The following GRM7 variants were observed in gnomAD, a reference collection of about 807,000 sequenced individuals.
GRM7 encodes metabotropic glutamate receptor 7.
Under a neutral mutation model 84.5 loss-of-function variants are expected in GRM7, and 35 were observed. That is an observed-to-expected ratio of 0.41 (90% CI 0.32 to 0.55). The LOEUF is 0.55. Among genes scored for constraint, GRM7 ranks in the 20% least tolerant of loss-of-function variants. GRM7 has a pLI of 0.19. For synonymous variants in GRM7, 487 were observed against 455.1 expected (o/e 1.07, Z -0.89); for missense variants, 1,003 against 1,194.6 (o/e 0.84, Z 2.36).
intron 1 of GRM7, among the ~76,000 whole-genome samples, chr3:6,916,015 G>A (rs17743909): frequency 6.6e-6 from 1 of 152,148 alleles, no homozygotes; most frequent in Non-Finnish European, 1.5e-5. Context: ...TCTGGGAGTA[G>A]ACTCAGAGTA....
chr3:6,892,950 C>T (rs901150880), intron 1 of GRM7: 5 of 151,996 alleles, frequency 3.3e-5, no homozygotes, highest in Admixed American at 3.3e-4. Flanking sequence ...GTTGAGATTT[C>T]ATGTAATGTG....
At chr3:7,129,095 A>G (rs9872989) in intron 1 of GRM7, among the ~76,000 whole-genome samples, 1 of 151,854 alleles carries the variant, frequency 6.6e-6, no homozygotes, top group Non-Finnish European at 1.5e-5. Context: ...GGAGTGCACC[A>G]ATTTAGTAGC....
At chr3:7,148,958 G>A (rs1216353088) in intron 2 of GRM7, among the ~76,000 whole-genome samples, 1 of 151,982 alleles carries the variant, frequency 6.6e-6, no homozygotes, top group Non-Finnish European at 1.5e-5. Flanking sequence ...AAGTAGTATG[G>A]TATTTGGCAT....
intron 8 of GRM7, among the ~76,000 whole-genome samples, chr3:7,633,360 G>C (rs1697938595): frequency 6.6e-6 from 1 of 152,162 alleles, no homozygotes; most frequent in South Asian, 2.1e-4. Flanking sequence ...TTAGTAACTT[G>C]TCCCAAAACA....
intron 4 of GRM7, among the ~76,000 whole-genome samples, chr3:7,387,120 C>G (rs1694815306): frequency 6.6e-6 from 1 of 152,080 alleles, no homozygotes; most frequent in Admixed American, 6.5e-5. Flanking sequence ...TTTTAAAGGT[C>G]ACCATTTAAT....
chr3:6,961,873 C>T (rs769480765), intron 1 of GRM7, among the ~76,000 whole-genome samples: 1 of 152,104 alleles, frequency 6.6e-6, no homozygotes, highest in Non-Finnish European at 1.5e-5. Flanking sequence ...ATTATCCCTC[C>T]TGAGGTATAA....
chr3:7,017,205 G>A (rs535383820), intron 1 of GRM7, among the ~76,000 whole-genome samples: 15 of 152,260 alleles, frequency 9.9e-5, no homozygotes, highest in Admixed American at 2.6e-4. Flanking sequence ...CTTTGGGCTC[G>A]TTAATATAAC....
At chr3:7,034,119 G>A (rs1258386363) in intron 1 of GRM7, among the ~76,000 whole-genome samples, 4 of 152,098 alleles carry the variant, frequency 2.6e-5, no homozygotes, top group Admixed American at 1.3e-4. Context: ...GGTAGGCTAA[G>A]GGAAAAAATA....
intron 1 of GRM7, among the ~76,000 whole-genome samples, chr3:7,012,612 G>C (rs868380221): frequency 6.6e-6 from 1 of 152,144 alleles, no homozygotes; most frequent in Non-Finnish European, 1.5e-5. Flanking sequence ...TTTCCCTGGA[G>C]GACCATAAGA....
At chr3:7,389,911 A>G (rs948714974) in intron 4 of GRM7, among the ~76,000 whole-genome samples, 66 of 151,968 alleles carry the variant, frequency 4.3e-4, no homozygotes, top group African/African-American at 1.5e-3. Flanking sequence ...GTTTCATAGC[A>G]TTGATCATGT....
intron 1 of GRM7, among the ~76,000 whole-genome samples, chr3:6,922,005 T>C (rs1419446132): frequency 1.3e-5 from 2 of 152,184 alleles, no homozygotes; most frequent in African/African-American, 2.4e-5. Flanking sequence ...AGATCACAAT[T>C]CTTCTTCCAG....
chr3:7,215,382 A>G (rs1257419256), intron 2 of GRM7, among the ~76,000 whole-genome samples: 1 of 151,988 alleles, frequency 6.6e-6, no homozygotes, highest in Non-Finnish European at 1.5e-5. Context: ...AATTTCTTGG[A>G]GGCTGGGCAC....
chr3:7,681,120 T>C (rs1700348762), intron 9 of GRM7: 2 of 152,234 alleles, frequency 1.3e-5, no homozygotes, highest in South Asian at 2.1e-4. Flanking sequence ...TAAGAGTAAA[T>C]TTCAGATTTA....
rs931752259 is a variant in GRM7, at chr3:7,342,577, A to G, written c.1033+35925A>G. 5.9e-5 allele frequency among the ~76,000 whole-genome samples: 9 copies of G among 152,298 alleles called. No homozygotes were observed. The South Asian group carries it at 1.4e-3, about 25-fold the overall frequency. On this transcript the variant is annotated intron_variant, in intron 4 of 9. Transcript: ENST00000357716. ...TCCTGTTCAAGTCTGTCTACCCTGT[A>G]CTAATCATTTCCAAACTTTAGCCTA...
In GRM7 at chr3:7,649,981, A is replaced by G. The variant is rs565673504; in HGVS notation, c.2452-30068A>G. On this transcript the variant is annotated intron_variant, in intron 8 of 9. Transcript: ENST00000357716. ...ACAGTACATCATTATCTAGGCTTCAAATGGAAAATTTGAGGATTTAATTAT... is the reference window on the plus strand; with the variant it reads ...ACAGTACATCATTATCTAGGCTTCAGATGGAAAATTTGAGGATTTAATTAT... 2.0e-5 allele frequency among the ~76,000 whole-genome samples: 3 copies of G among 152,282 alleles called. 1 individual carries two copies. Among genetic ancestry groups the G allele is most frequent in the African/African-American group, 7.2e-5 (3 of 41,560 alleles).
chr3:7,478,908 T>C (rs1027346786), intron 7 of GRM7, among the ~76,000 whole-genome samples: 4 of 152,170 alleles, frequency 2.6e-5, no homozygotes, highest in African/African-American at 9.7e-5. Flanking sequence ...TTGGTCCCTA[T>C]GCAGTGTCCC....
chr3:7,730,668 GA>G (rs1702295831), intron 9 of GRM7, among the ~76,000 whole-genome samples: 1 of 152,152 alleles, frequency 6.6e-6, no homozygotes, highest in Non-Finnish European at 1.5e-5. Context: ...TTTCATCCAG[GA>G]ACACTAAGTA....
chr3:7,460,569 A>C (rs1028113268), intron 6 of GRM7, among the ~76,000 whole-genome samples: 2 of 152,292 alleles, frequency 1.3e-5, no homozygotes, highest in Middle Eastern at 6.8e-3. Context: ...TCCGCTGGGA[A>C]TATTGGTCCA....
chr3:7,605,042 C>A (rs948302251), intron 8 of GRM7, among the ~76,000 whole-genome samples: 1 of 152,084 alleles, frequency 6.6e-6, no homozygotes, highest in African/African-American at 2.4e-5. Context: ...GTAATTAATT[C>A]TTGCTCCACT....
Sources: gnomAD v4.1 joint callset for allele counts (sites outside exome capture counted in the v4.1 genomes callset) on GRCh38, gnomAD v4.1.1 for gene constraint, MANE v1.5 for transcripts, NCBI Gene and HGNC (gene_info 2026-07-23, HGNC 2026-07-21) for gene names.